Variants in CHD2 observed in about 807,000 individuals in gnomAD.
CHD2 encodes ATP-dependent chromatin remodeler CHD2.
In CHD2, 28 loss-of-function variants were observed where a neutral mutation model predicts 243.9. That is an observed-to-expected ratio of 0.11 (90% CI 0.09 to 0.16). The LOEUF is 0.16. Ranked by LOEUF, CHD2 falls within the 10% of genes least tolerant of loss-of-function variation. CHD2 has a pLI of 1.00. For missense variants in CHD2, 1,386 were observed against 2,209.8 expected, an observed-to-expected ratio of 0.63 and a Z score of 7.47; for synonymous variants, 775 against 779.0, an observed-to-expected ratio of 0.99 and a Z score of 0.09.
At chr15:92,902,117 A>G (rs1461656041) in intron 2 of CHD2, 1 of 397,674 alleles carries the variant, frequency 2.5e-6, no homozygotes, top group East Asian at 3.6e-5. Flanking sequence ...TGGTAGATGT[A>G]TTTTATCCTC....
intron 5 of CHD2, among the ~76,000 whole-genome samples, chr15:92,935,347 CTTATA>C (rs1265810311): frequency 6.6e-6 from 1 of 152,046 alleles, no homozygotes; most frequent in East Asian, 1.9e-4. Flanking sequence ...TTTTTGCATT[CTTATA>C]TTGGGAGATT....
chr15:93,020,177 C>T lies in CHD2; in HGVS notation c.5072C>T (p.Pro1691Leu), dbSNP rs1227123179. 3.7e-6 allele frequency: 6 copies of T among 1,614,030 alleles called. No homozygotes were observed. The highest frequency in any genetic ancestry group is 5.1e-6 in the Non-Finnish European group (6 of 1,180,002). ...MDAHRSGSYR[P>L]NNMSRKRPYD... ...GCCCACCGTTCCGGAAGCTATCGACCCAACAACATGTCCAGAAAGAGGCCT... is the reference window on the plus strand; with the variant it reads ...GCCCACCGTTCCGGAAGCTATCGACTCAACAACATGTCCAGAAAGAGGCCT... The change falls in exon 38 of 39, where the codon CCC becomes CTC. Residue 1691 changes from proline (P) to leucine (L), a missense_variant. Pro to Leu is a moderately conservative substitution (Grantham distance 98). This residue lies in a region of CHD2 where 347 missense variants were observed against 341.6 expected (regional missense o/e 1.02). Coordinates refer to ENST00000394196, the MANE Select transcript of CHD2 (RefSeq NM_001271.4).
At chr15:92,958,273 T>C (rs1253217515) in intron 16 of CHD2, among the ~76,000 whole-genome samples, 1 of 152,224 alleles carries the variant, frequency 6.6e-6, no homozygotes, top group Non-Finnish European at 1.5e-5. Context: ...CTTGGTGCAT[T>C]GTCAGTCTTT....
intron 16 of CHD2, 97 bp from the exon 17 acceptor site, chr15:92,967,228 T>TCTC (rs2141830464): frequency 2.3e-6 from 2 of 866,890 alleles, no homozygotes; most frequent in South Asian, 3.9e-5. Flanking sequence ...ATTGATAATG[T>TCTC]CTTTCCTTAT....
At chr15:92,919,907 T>C (rs1437816550) in intron 2 of CHD2, among the ~76,000 whole-genome samples, 1 of 152,214 alleles carries the variant, frequency 6.6e-6, no homozygotes, top group Non-Finnish European at 1.5e-5. Context: ...ATGTCACTAG[T>C]ATCATTCCCT....
At chr15:92,924,295 T>C in intron 2 of CHD2, 26 bp from the exon 3 acceptor site, 1 of 1,594,754 alleles carries the variant, frequency 6.3e-7, no homozygotes, top group Non-Finnish European at 8.6e-7. Context: ...TAAATATTTT[T>C]AAATCTCTCT....
intron 5 of CHD2, among the ~76,000 whole-genome samples, chr15:92,933,958 G>C (rs1338257102): frequency 1.3e-5 from 2 of 152,164 alleles, no homozygotes; most frequent in Non-Finnish European, 2.9e-5. Context: ...CACAGTGGAA[G>C]GGAATCCCTA....
intron 28 of CHD2, among the ~76,000 whole-genome samples, chr15:92,995,812 T>C (rs1253000371): frequency 6.6e-6 from 1 of 152,238 alleles, no homozygotes; most frequent in African/African-American, 2.4e-5. Context: ...AATGCGTATA[T>C]ACTTTGCTTC....
In CHD2 at chr15:93,024,760, T is replaced by G; in HGVS notation, c.*55T>G. The G allele has an allele frequency of 1.3e-6, 2 of 1,487,224 alleles. No individual in the cohort carries two copies. The highest frequency in any genetic ancestry group is 1.8e-6 in the Non-Finnish European group (2 of 1,095,056). The allele number at this position is 1,487,224 out of a possible 1,614,324, so 92.1% of individuals were successfully genotyped here. A position where few individuals can be genotyped will look rare whatever the true frequency, so the allele number is the denominator to read the frequency against. On this transcript the variant is annotated 3_prime_UTR_variant, in exon 39 of 39. Transcript: ENST00000394196. ...TCACCAAACACGTGGATATTTTTGG[T>G]CTGATCCTACAGTAGCCGGTTATCT...
chr15:92,999,083 C>CAAAAAAAAAAA lies in CHD2; in HGVS notation c.4008+486_4008+496dup, dbSNP rs55738843. 3.2e-4 allele frequency among the ~76,000 whole-genome samples: 21 copies of CAAAAAAAAAAA among 65,528 alleles called. 1 individual carries two copies. The highest frequency in any genetic ancestry group is 4.0e-4 in the African/African-American group (6 of 14,936). 43.0% of individuals were successfully genotyped at this position (65,528 alleles called of 152,430 possible). A position where few individuals can be genotyped will look rare whatever the true frequency, so the allele number is the denominator to read the frequency against. ...TGGGCAACAGAGCGAGACTCCGTCT[C>CAAAAAAAAAAA]AAAAAAAAAAAAAAAAAAAAAAAAA... is the stretch of plus-strand genomic sequence containing the variant. On this transcript the variant is annotated intron_variant, in intron 31 of 38. Coordinates refer to ENST00000394196, the MANE Select transcript of CHD2 (RefSeq NM_001271.4).
At position 92,944,466 on chromosome 15, in the gene CHD2, G is replaced by A. The variant is rs757569320; in HGVS notation, c.1104G>A (p.Glu368=). Residue 368 remains glutamate, a synonymous_variant, in exon 10 of 39, where the codon GAG becomes GAA. Transcript: ENST00000394196. ...EDVEYFNCQQ[E]LASELNKQYQ... is the part of the protein sequence containing the mutation. Reference sequence around the variant, plus strand: ...TAGAATATTTCAATTGCCAACAGGAGCTGGCTTCAGAGTTGAATAAACAGT... The same window carrying A: ...TAGAATATTTCAATTGCCAACAGGAACTGGCTTCAGAGTTGAATAAACAGT... The A allele has an allele frequency of 3.1e-6, 5 of 1,610,968 alleles. No individual in the cohort carries two copies. Among genetic ancestry groups the A allele is most frequent in the South Asian group, 1.1e-5 (1 of 90,878 alleles).
intron 13 of CHD2, among the ~76,000 whole-genome samples, chr15:92,951,721 TAAG>T (rs978831024): frequency 2.6e-5 from 4 of 152,270 alleles, no homozygotes; most frequent in Admixed American, 1.3e-4. Flanking sequence ...GTGAGGGAAA[TAAG>T]AAGGAAATTA....
chr15:93,009,701 A>G lies in CHD2; in HGVS notation c.4592+378A>G, dbSNP rs144257568. On this transcript the variant is annotated intron_variant, in intron 35 of 38. Transcript: ENST00000394196. ...AGATATTACTGTATCTAATACAACT[A>G]ATTGGTTGGTTCTGTACCAACACAT... Among the ~76,000 whole-genome samples, 1,277 of 152,354 alleles carry G rather than the reference A, an allele frequency of 8.4e-3. 58 individuals are homozygous for G. The highest frequency in any genetic ancestry group is 0.072 in the Admixed American group (1,099 of 15,300).
At chr15:92,972,022 T>C in intron 18 of CHD2, 95 bp downstream of exon 18, 1 of 1,297,084 alleles carries the variant, frequency 7.7e-7, no homozygotes, top group African/African-American at 1.5e-5. Context: ...TGGTGACCTA[T>C]CAAGGATCAT....
intron 19 of CHD2, among the ~76,000 whole-genome samples, chr15:92,973,671 A>G (rs2141837824): frequency 6.6e-6 from 1 of 152,338 alleles, no homozygotes. Context: ...TATTGCAAAA[A>G]GTCACTTCTC....
At chr15:92,992,220 A>C (rs2054128958) in intron 27 of CHD2, among the ~76,000 whole-genome samples, 1 of 152,176 alleles carries the variant, frequency 6.6e-6, no homozygotes, top group South Asian at 2.1e-4. Context: ...GGAGGTAGTG[A>C]TGTGTAGCAT....
chr15:92,904,843 T>C, intron 2 of CHD2: 1 of 1,518,042 alleles, frequency 6.6e-7, no homozygotes. Flanking sequence ...AACGTTTGAG[T>C]GTCAGAGGCG....
chr15:92,953,224 T>G (rs916415204), intron 13 of CHD2, 133 bp from the exon 14 acceptor site: 2 of 670,846 alleles, frequency 3.0e-6, no homozygotes, highest in Admixed American at 2.8e-5. Context: ...TGAGAAGAAA[T>G]ACATTTGAGG....
intron 27 of CHD2, 167 bp downstream of exon 27, chr15:92,991,684 T>G: frequency 4.0e-6 from 2 of 502,008 alleles, no homozygotes; most frequent in Non-Finnish European, 3.5e-6. Context: ...CATTCATGTC[T>G]CTCTGCAGAG....
Sources: allele counts gnomAD v4.1 joint callset (sites outside exome capture counted in the v4.1 genomes callset), GRCh38; gene constraint gnomAD v4.1.1; regional missense constraint gnomAD v4.1.1; transcripts MANE v1.5; gene names NCBI Gene and HGNC (gene_info 2026-07-23, HGNC 2026-07-21).